Variants in PFKFB3 observed in about 807,000 individuals in gnomAD.
PFKFB3 encodes 6-phosphofructo-2-kinase/fructose-2,6-biphosphatase 3, also known as 6-phosphofructo-2-kinase/fructose-2,6-bisphosphatase 3.
PFKFB3 carries 33 observed loss-of-function variants against 68.0 expected under a neutral mutation model. That is an observed-to-expected ratio of 0.49 (90% CI 0.37 to 0.65). The LOEUF is 0.65. Among genes scored for constraint, PFKFB3 ranks in the 30% least tolerant of loss-of-function variants. The pLI is 0.00. For missense variants in PFKFB3, 586 were observed against 712.2 expected, an observed-to-expected ratio of 0.82 and a Z score of 2.02; for synonymous variants, 315 against 288.2, an observed-to-expected ratio of 1.09 and a Z score of -0.94.
the PFKFB3 span, among the ~76,000 whole-genome samples, chr10:6,281,166 CATATATATA>C: frequency 9.5e-5 from 8 of 84,510 alleles, 1 homozygote; most frequent in Non-Finnish European, 2.2e-4. Flanking sequence ...AGTATTCCAT[CATATATATA>C]TATATATACA....
intron 1 of PFKFB3, among the ~76,000 whole-genome samples, chr10:6,153,173 GAAA>G (rs199862970): frequency 6.4e-5 from 3 of 46,654 alleles, no homozygotes; most frequent in Non-Finnish European, 1.1e-4. Flanking sequence ...CTCTGTCTCA[GAAA>G]AAAGAAAGAA....
intron 14 of PFKFB3, among the ~76,000 whole-genome samples, chr10:6,248,102 A>G (rs1297401734): frequency 6.6e-6 from 1 of 152,214 alleles, no homozygotes; most frequent in African/African-American, 2.4e-5. Context: ...ATCAGTTTCC[A>G]GAAAGGTAAG....
the PFKFB3 span, among the ~76,000 whole-genome samples, chr10:6,269,439 A>G: frequency 1.3e-5 from 2 of 152,268 alleles, no homozygotes; most frequent in African/African-American, 4.8e-5. Context: ...GACTACAGGT[A>G]TGCACCACTG....
chr10:6,307,330 T>TAC, the PFKFB3 span, among the ~76,000 whole-genome samples: 1,407 of 99,234 alleles, frequency 0.014, 7 homozygotes, highest in Non-Finnish European at 0.018. Flanking sequence ...GCATGCGTAC[T>TAC]ACACACACAC....
chr10:6,293,835 C>T, the PFKFB3 span: 11 of 396,396 alleles, frequency 2.8e-5, no homozygotes, highest in Non-Finnish European at 5.1e-5. Flanking sequence ...GTACTTGGTT[C>T]CCAAATCTCA....
chr10:6,299,347 C>T, the PFKFB3 span, among the ~76,000 whole-genome samples: 1 of 152,180 alleles, frequency 6.6e-6, no homozygotes, highest in Non-Finnish European at 1.5e-5. Flanking sequence ...CTAGGATTTA[C>T]AGGCAGGGGT....
At chr10:6,177,400 C>CT (rs1842519885) in intron 1 of PFKFB3, among the ~76,000 whole-genome samples, 2 of 138,042 alleles carry the variant, frequency 1.4e-5, no homozygotes, top group Non-Finnish European at 3.2e-5. Context: ...TTCTTTCTTT[C>CT]TTTCTTTCTT....
At chr10:6,285,980 T>A in the PFKFB3 span, among the ~76,000 whole-genome samples, 1 of 141,926 alleles carries the variant, frequency 7.0e-6, no homozygotes. Flanking sequence ...CTGTTTTTTT[T>A]TTTTTTTTTT....
At chr10:6,240,196 T>G (rs1053964700), downstream of PFKFB3, among the ~76,000 whole-genome samples, 1 of 152,218 alleles carries the variant, frequency 6.6e-6, no homozygotes, top group African/African-American at 2.4e-5. Flanking sequence ...ATTTCTTACA[T>G]GTACAAGAAA....
At chr10:6,231,329 G>T (rs1845728897) in intron 14 of PFKFB3, 1 of 1,612,290 alleles carries the variant, frequency 6.2e-7, no homozygotes, top group African/African-American at 1.3e-5. Flanking sequence ...ATGCCTGGGT[G>T]CATGTCCCTC....
At chr10:6,271,263 C>G in the PFKFB3 span, among the ~76,000 whole-genome samples, 1 of 152,366 alleles carries the variant, frequency 6.6e-6, no homozygotes, top group East Asian at 1.9e-4. Context: ...AACACCTCTG[C>G]TAAGGTAAGG....
the PFKFB3 span, chr10:6,326,554 T>C: frequency 2.2e-6 from 1 of 455,378 alleles, no homozygotes; most frequent in Non-Finnish European, 4.4e-6. Flanking sequence ...AGATATGGAG[T>C]TACCAGTAAG....
At chr10:6,239,539 G>T (rs1019802290), downstream of PFKFB3, among the ~76,000 whole-genome samples, 1 of 152,206 alleles carries the variant, frequency 6.6e-6, no homozygotes, top group Non-Finnish European at 1.5e-5. Context: ...AGATTTTCTG[G>T]AGTGGGTCAT....
intron 14 of PFKFB3, chr10:6,226,577 G>C: frequency 1.8e-6 from 1 of 558,996 alleles, no homozygotes; most frequent in Non-Finnish European, 3.1e-6. Flanking sequence ...ACCCTCCGAA[G>C]TTAAGATCCT....
chr10:6,315,014 T>C, the PFKFB3 span, among the ~76,000 whole-genome samples: 137,704 of 152,214 alleles, frequency 0.9, 62,575 homozygotes, highest in East Asian at 0.98. Flanking sequence ...CTCACATTGC[T>C]CACTCTGTGG....
chr10:6,245,547 G>C (rs1055972544), intron 14 of PFKFB3, among the ~76,000 whole-genome samples: 32 of 152,018 alleles, frequency 2.1e-4, no homozygotes, highest in African/African-American at 7.2e-4. Context: ...CTCCCCCGTA[G>C]CTGGGACTAT....
downstream of PFKFB3, among the ~76,000 whole-genome samples, chr10:6,239,240 C>T (rs530776717): frequency 3.9e-5 from 6 of 152,068 alleles, no homozygotes; most frequent in South Asian, 2.1e-4. Context: ...GCATGCCCGG[C>T]GTTTCAAATG....
chr10:6,207,166 G>A (rs1439062907), intron 1 of PFKFB3, among the ~76,000 whole-genome samples: 1 of 152,218 alleles, frequency 6.6e-6, no homozygotes, highest in Non-Finnish European at 1.5e-5. Flanking sequence ...CTGAGTGAAC[G>A]AGACTCCGTC....
At position 6,178,739 on chromosome 10, in the gene PFKFB3, C is replaced by T. The variant is rs920520859; in HGVS notation, c.16+33726C>T. Among the ~76,000 whole-genome samples, 12 of 152,336 alleles carry T rather than the reference C, an allele frequency of 7.9e-5. No individual in the cohort carries two copies. The South Asian group carries it at 1.0e-3, about 13-fold the overall frequency. On this transcript the variant is annotated intron_variant, in intron 1 of 14. Coordinates refer to the PFKFB3 transcript ENST00000379789. ...TTTACTGCTGTCAGAGCCACCCCAT[C>T]GTGTGCAGCACGGACTGGGGGGGAT...
Sources: gnomAD v4.1 joint callset for allele counts (sites outside exome capture counted in the v4.1 genomes callset) on GRCh38, gnomAD v4.1.1 for gene constraint, MANE v1.5 for transcripts, NCBI Gene and HGNC (gene_info 2026-07-23, HGNC 2026-07-21) for gene names.